The following B4GALT4 variants were observed in gnomAD, a reference collection of about 807,000 sequenced individuals.
B4GALT4 encodes N-acetyllactosamine synthase.
Under a neutral mutation model 37.3 loss-of-function variants are expected in B4GALT4, and 27 were observed. The ratio of observed to expected loss-of-function variants is 0.72; its 90% CI spans 0.53 to 1.00. The LOEUF (loss-of-function observed/expected upper bound fraction) is 1.00. B4GALT4 is among the 50% of genes least tolerant of loss of function. B4GALT4 has a pLI of 0.00. For synonymous variants in B4GALT4, 148 were observed against 154.1 expected (o/e 0.96, Z 0.29); for missense variants, 372 against 413.1 (o/e 0.90, Z 0.86).
chr3:119,232,972 T>G (rs1441361003), intron 2 of B4GALT4: 1 of 152,122 alleles, frequency 6.6e-6, no homozygotes, highest in Admixed American at 6.5e-5. Flanking sequence ...TACGCCCAGT[T>G]AATTTTTGTA....
chr3:119,216,455 C>CGT, intron 6 of B4GALT4, 111 bp from the exon 7 acceptor site: 1 of 403,118 alleles, frequency 2.5e-6, no homozygotes, highest in Non-Finnish European at 4.4e-6. Context: ...TACACACACA[C>CGT]ACACACACAC....
chr3:119,224,215 G>C lies in B4GALT4; in HGVS notation c.517C>G (p.Leu173Val). ...GCTTCTAGATAGCCCACATTCAAGA[G>C]TTTGGCTCGATTAAACTTTTTACCT... ...AEGKKFNRAK[L>V]LNVGYLEALK... Residue 173 changes from leucine (L) to valine (V), a missense_variant, in exon 5 of 8, where the codon CTC (leucine) becomes GTC (valine). By Grantham distance (32) the Leu-to-Val change is conservative (BLOSUM62 1). Coordinates refer to ENST00000393765, the MANE Select transcript of B4GALT4 (RefSeq NM_003778.4). 1 of 1,610,014 alleles carries C rather than the reference G, an allele frequency of 6.2e-7. No individual in the cohort carries two copies. The highest frequency in any genetic ancestry group is 8.5e-7 in the Non-Finnish European group (1 of 1,178,806).
At chr3:119,220,100 T>C (rs964031090) in intron 5 of B4GALT4, among the ~76,000 whole-genome samples, 2 of 152,196 alleles carry the variant, frequency 1.3e-5, no homozygotes, top group Non-Finnish European at 2.9e-5. Context: ...GTTTAACCCA[T>C]AAGAGAAGCA....
chr3:119,224,366 G>T, intron 4 of B4GALT4, 121 bp from the exon 5 acceptor site: 1 of 655,462 alleles, frequency 1.5e-6, no homozygotes, highest in Non-Finnish European at 2.4e-6. Flanking sequence ...GACTACACTT[G>T]TGACATAAAG....
intron 3 of B4GALT4, among the ~76,000 whole-genome samples, chr3:119,229,570 T>C (rs891321247): frequency 6.6e-6 from 1 of 152,190 alleles, no homozygotes; most frequent in Admixed American, 6.5e-5. Flanking sequence ...GAAAGAAACA[T>C]GGGAGTTCCT....
In B4GALT4 at chr3:119,220,384, G is replaced by A. The variant is rs181647342; in HGVS notation, c.675-1612C>T. The stretch of plus-strand genomic sequence containing the variant: ...GCAATCAGCATGAGAACAAGGGAAT[G>A]ATGTGGTAGATTATCAAAACCAATA... On this transcript the variant is annotated intron_variant, in intron 5 of 7. Coordinates refer to ENST00000393765, the MANE Select transcript of B4GALT4 (RefSeq NM_003778.4). Among the ~76,000 whole-genome samples the A allele has an allele frequency of 5.9e-5, 9 of 152,362 alleles. 1 individual carries two copies. The highest frequency in any genetic ancestry group is 2.6e-4 in the Admixed American group (4 of 15,306).
intron 3 of B4GALT4, 151 bp from the exon 4 acceptor site, chr3:119,227,192 T>G: frequency 1.4e-6 from 1 of 701,372 alleles, no homozygotes; most frequent in South Asian, 1.9e-5. Flanking sequence ...AAAGGCTCAT[T>G]TAGTCATGAT....
At chr3:119,237,968 AATGTAT>A (rs2079032532) in intron 1 of B4GALT4, among the ~76,000 whole-genome samples, 1 of 152,216 alleles carries the variant, frequency 6.6e-6, no homozygotes, top group South Asian at 2.1e-4. Flanking sequence ...AAGATATAAC[AATGTAT>A]ATGAAATAAA....
At chr3:119,228,958 A>G (rs1033688359) in intron 3 of B4GALT4, among the ~76,000 whole-genome samples, 9 of 141,008 alleles carry the variant, frequency 6.4e-5, no homozygotes, top group African/African-American at 2.4e-4. Context: ...ATCCAGTAAG[A>G]GGGCCCTGAC....
intron 4 of B4GALT4, among the ~76,000 whole-genome samples, chr3:119,224,859 T>C (rs540530264): frequency 6.6e-6 from 1 of 152,224 alleles, no homozygotes; most frequent in Admixed American, 6.5e-5. Context: ...TCTCTTAAAA[T>C]TTTACAAATA....
chr3:119,236,804 TC>T (rs1418170038), intron 2 of B4GALT4, 48 bp downstream of exon 2: 4 of 152,248 alleles, frequency 2.6e-5, no homozygotes, highest in African/African-American at 9.6e-5. Flanking sequence ...CGATACTAGC[TC>T]CCTTCAGTTC....
intron 4 of B4GALT4, among the ~76,000 whole-genome samples, chr3:119,226,330 T>C (rs1216228090): frequency 2.0e-5 from 3 of 152,144 alleles, no homozygotes; most frequent in Non-Finnish European, 4.4e-5. Flanking sequence ...ACATAATAAA[T>C]AGTGGCAAAG....
chr3:119,216,768 G>T (rs549430264), intron 6 of B4GALT4, among the ~76,000 whole-genome samples: 1 of 152,322 alleles, frequency 6.6e-6, no homozygotes, highest in African/African-American at 2.4e-5. Flanking sequence ...GCCATTTATG[G>T]TCACAAGTTT....
rs1391608757 is a variant in B4GALT4 at position 119,236,845 on chromosome 3, G to T, written c.-146+8C>A. On this transcript the variant is annotated splice_region_variant and intron_variant, in intron 2 of 7. Transcript: ENST00000393765. ...ATATCAACACTTTTCTAAGGGTAGG[G>T]TCCTCACCTTTAACAAATGGCACTT... is the stretch of plus-strand genomic sequence containing the variant. 6.6e-6 allele frequency: 1 copy of T among 152,202 alleles called. No individual in the cohort carries two copies. The highest frequency in any genetic ancestry group is 1.5e-5 in the Non-Finnish European group (1 of 68,038). The allele number at this position is 152,202 out of a possible 1,614,324, so 9.4% of individuals were successfully genotyped here.
At chr3:119,239,277 G>A (rs1576952449) in intron 1 of B4GALT4, among the ~76,000 whole-genome samples, 1 of 144,216 alleles carries the variant, frequency 6.9e-6, no homozygotes, top group East Asian at 2.0e-4. Context: ...AGTGAGCCAA[G>A]ATTGTGCCAC....
rs2079001145 is a variant in B4GALT4 at position 119,236,896 on chromosome 3, C to G, written c.-189G>C. 1 of 152,206 alleles carries G rather than the reference C, an allele frequency of 6.6e-6. No homozygotes were observed. Among genetic ancestry groups the G allele is most frequent in the South Asian group, 2.1e-4 (1 of 4,822 alleles). The allele number at this position is 152,206 out of a possible 1,614,324, so 9.4% of individuals were successfully genotyped here. ...TTGGTCACACCCACTGCCTTCCGCT[C>G]CTCTGCCTCTAAAAGTGATACTTCT... On this transcript the variant is annotated 5_prime_UTR_variant, in exon 2 of 8. Transcript: ENST00000393765.
Position 119,211,918 on chromosome 3 carries a change from A to C in B4GALT4, c.*631T>G. On this transcript the variant is annotated 3_prime_UTR_variant, in exon 8 of 8. Transcript: ENST00000393765. ...GCATCACTGGAAGGCATACCTGGGC[A>C]GGTCCTCCCCTGAAGGCTATCAGCA... is the stretch of plus-strand genomic sequence containing the variant. 1 of 501,574 alleles carries C rather than the reference A, an allele frequency of 2.0e-6. No homozygotes were observed. The highest frequency in any genetic ancestry group is 2.9e-4 in the Middle Eastern group (1 of 3,390). The allele number at this position is 501,574 out of a possible 1,614,324, so 31.1% of individuals were successfully genotyped here.
chr3:119,217,698 C>A (rs1235894664), intron 6 of B4GALT4, among the ~76,000 whole-genome samples: 1 of 152,014 alleles, frequency 6.6e-6, no homozygotes, highest in Non-Finnish European at 1.5e-5. Flanking sequence ...AAAAAATTAG[C>A]CAGACACGGC....
intron 2 of B4GALT4, among the ~76,000 whole-genome samples, chr3:119,231,326 G>C (rs1043112842): frequency 7.2e-5 from 11 of 152,168 alleles, no homozygotes; most frequent in African/African-American, 2.7e-4. Flanking sequence ...AGGATACCTG[G>C]TTTGCCGCCA....
Sources: allele counts gnomAD v4.1 joint callset (sites outside exome capture counted in the v4.1 genomes callset), GRCh38; gene constraint gnomAD v4.1.1; transcripts MANE v1.5; gene names NCBI Gene and HGNC (gene_info 2026-07-23, HGNC 2026-07-21).